Variants in FKBP6 observed in about 807,000 individuals in gnomAD.
FKBP6 encodes inactive peptidyl-prolyl cis-trans isomerase FKBP6.
Under a neutral mutation model 41.7 loss-of-function variants are expected in FKBP6, and 29 were observed. The ratio of observed to expected loss-of-function variants is 0.70; its 90% confidence interval spans 0.52 to 0.95. The LOEUF is 0.95. Ranked by LOEUF, FKBP6 falls within the 40% of genes least tolerant of loss-of-function variation. The probability of loss-of-function intolerance (pLI) is 0.00; values close to 1 mark genes in which losing one functional copy is unlikely to be tolerated. For synonymous variants in FKBP6, 130 were observed against 165.1 expected (o/e 0.79, Z 1.63); for missense variants, 338 against 408.7 (o/e 0.83, Z 1.49).
chr7:73,336,647 CAG>C (rs1343877278), intron 5 of FKBP6: 11 of 425,050 alleles, frequency 2.6e-5, no homozygotes, highest in African/African-American at 8.2e-5. Context: ...ATGCTACAAA[CAG>C]GGGTCCACCT....
chr7:73,329,818 T>C, intron 3 of FKBP6: 1 of 524,974 alleles, frequency 1.9e-6, no homozygotes, highest in Non-Finnish European at 3.4e-6. Flanking sequence ...GAGACTGACC[T>C]GCACTCAGCT....
intron 7 of FKBP6, 53 bp downstream of exon 7, chr7:73,341,435 G>C: frequency 9.0e-7 from 1 of 1,109,592 alleles, no homozygotes; most frequent in South Asian, 1.2e-5. Flanking sequence ...TGTGACTCTG[G>C]TCTGTCCCCC....
chr7:73,344,881 G>A (rs191140107), intron 8 of FKBP6, among the ~76,000 whole-genome samples: 3 of 152,302 alleles, frequency 2.0e-5, no homozygotes, highest in Non-Finnish European at 2.9e-5. Flanking sequence ...CACTGCACCT[G>A]GCTTAGGACA....
At chr7:73,337,839 C>T (rs1381581835) in intron 5 of FKBP6, among the ~76,000 whole-genome samples, 1 of 152,102 alleles carries the variant, frequency 6.6e-6, no homozygotes, top group East Asian at 1.9e-4. Context: ...TTTTCCTCAC[C>T]CCGAAATGAA....
At chr7:73,353,038 C>T (rs1490759315) in intron 8 of FKBP6, among the ~76,000 whole-genome samples, 5 of 152,154 alleles carry the variant, frequency 3.3e-5, no homozygotes, top group Non-Finnish European at 7.3e-5. Context: ...GCCCCTTCCT[C>T]TTCTTCAAAG....
At chr7:73,352,696 G>T (rs1225401502) in intron 8 of FKBP6, among the ~76,000 whole-genome samples, 1 of 152,136 alleles carries the variant, frequency 6.6e-6, no homozygotes, top group Non-Finnish European at 1.5e-5. Flanking sequence ...TCCAGAGAAG[G>T]GTTTTCAAAT....
In FKBP6 at chr7:73,340,573, GA is replaced by G. The variant is rs1318526350; in HGVS notation, c.589-64del. On this transcript the variant is annotated intron_variant, in intron 5 of 8. Transcript: ENST00000252037. ...TTAGCTCTGATAGTTTTTGCGTGTG[GA>G]TTCTTTAGGGTTTTGTACATAAGAC... 2.2e-6 allele frequency: 3 copies of G among 1,378,848 alleles called. No homozygotes were observed. In the African/African-American group the frequency reaches 4.3e-5, roughly 20 times the overall value. 85.4% of individuals were successfully genotyped at this position (1,378,848 alleles called of 1,614,324 possible).
intron 5 of FKBP6, among the ~76,000 whole-genome samples, chr7:73,333,028 T>C (rs897086046): frequency 8.5e-5 from 13 of 152,280 alleles, no homozygotes; most frequent in African/African-American, 3.1e-4. Flanking sequence ...TCCCAGCACT[T>C]TGGGAGGCTG....
intron 8 of FKBP6, among the ~76,000 whole-genome samples, chr7:73,348,821 TGGGCCAG>T (rs1805405626): frequency 6.6e-6 from 1 of 152,172 alleles, no homozygotes; most frequent in Non-Finnish European, 1.5e-5. Flanking sequence ...AGGATACAAA[TGGGCCAG>T]ACATGGTGGC....
chr7:73,333,584 A>AC (rs1355090364), intron 5 of FKBP6, among the ~76,000 whole-genome samples: 1 of 152,040 alleles, frequency 6.6e-6, no homozygotes, highest in Admixed American at 6.6e-5. Context: ...CACCCAGGTG[A>AC]CCCCGCAATG....
intron 8 of FKBP6, among the ~76,000 whole-genome samples, chr7:73,349,129 G>T (rs1252483713): frequency 1.3e-5 from 2 of 152,112 alleles, no homozygotes; most frequent in Non-Finnish European, 2.9e-5. Context: ...AAAAAGGGTG[G>T]CCAGGTAGGG....
chr7:73,353,353 C>CT (rs1346706811), intron 8 of FKBP6, among the ~76,000 whole-genome samples: 2 of 152,208 alleles, frequency 1.3e-5, no homozygotes, highest in Non-Finnish European at 2.9e-5. Flanking sequence ...TTTCCCATCT[C>CT]TCATACTCTG....
chr7:73,342,702 G>A (rs1805225121), intron 7 of FKBP6, 105 bp from the exon 8 acceptor site: 1 of 844,152 alleles, frequency 1.2e-6, no homozygotes, highest in African/African-American at 1.7e-5. Context: ...TTTGAGTCCT[G>A]ATAAATTTTC....
At chr7:73,353,737 CTTT>C (rs143724446) in intron 8 of FKBP6, among the ~76,000 whole-genome samples, 1 of 144,508 alleles carries the variant, frequency 6.9e-6, no homozygotes. Flanking sequence ...TTTTTTTCTT[CTTT>C]TTTTTTTTTT....
intron 5 of FKBP6, among the ~76,000 whole-genome samples, chr7:73,332,493 C>CAA (rs202138259): frequency 8.4e-6 from 1 of 119,428 alleles, no homozygotes; most frequent in Non-Finnish European, 1.8e-5. Context: ...ACTCCCATCT[C>CAA]AAAAAAAAAA....
At chr7:73,355,876 C>T (rs13232741) in intron 8 of FKBP6, among the ~76,000 whole-genome samples, 6 of 151,808 alleles carry the variant, frequency 4.0e-5, no homozygotes, top group Admixed American at 3.9e-4. Flanking sequence ...ACCATCCTGG[C>T]TAACACAGTG....
chr7:73,346,990 G>A (rs1371043277), intron 8 of FKBP6, among the ~76,000 whole-genome samples: 1 of 152,154 alleles, frequency 6.6e-6, no homozygotes, highest in Non-Finnish European at 1.5e-5. Context: ...AGGAGTGACT[G>A]GGAAAACTCC....
At chr7:73,343,786 A>T (rs1008965436) in intron 8 of FKBP6, among the ~76,000 whole-genome samples, 5 of 152,206 alleles carry the variant, frequency 3.3e-5, no homozygotes, top group Non-Finnish European at 7.3e-5. Flanking sequence ...TTAGCTGCAC[A>T]GATAACTCTG....
At chr7:73,346,387 A>C (rs932397149) in intron 8 of FKBP6, among the ~76,000 whole-genome samples, 5 of 152,170 alleles carry the variant, frequency 3.3e-5, no homozygotes, top group Non-Finnish European at 7.3e-5. Flanking sequence ...CTAAACAGGG[A>C]CAACAAGATA....
Sources: gnomAD v4.1 joint callset for allele counts (sites outside exome capture counted in the v4.1 genomes callset) on GRCh38, gnomAD v4.1.1 for gene constraint, MANE v1.5 for transcripts, NCBI Gene and HGNC (gene_info 2026-07-23, HGNC 2026-07-21) for gene names.